The following C10orf90 variants were observed in gnomAD, a reference collection of about 807,000 sequenced individuals.
The protein encoded by C10orf90 is (E2-independent) E3 ubiquitin-conjugating enzyme FATS.
In C10orf90, 56 loss-of-function variants were observed where a neutral mutation model predicts 62.5. The ratio of observed to expected loss-of-function variants is 0.90; its 90% CI spans 0.72 to 1.12. The LOEUF (loss-of-function observed/expected upper bound fraction) is 1.12, where lower values mean the gene tolerates loss of function less well. Among genes scored for constraint, C10orf90 ranks in the 50% most tolerant of loss-of-function variants. The pLI is 0.00. For missense variants in C10orf90, 970 were observed against 880.4 expected (o/e 1.10, Z -1.29); for synonymous variants, 386 against 340.4 (o/e 1.13, Z -1.47).
At chr10:126,538,404 A>G (rs755360387) in intron 2 of C10orf90, among the ~76,000 whole-genome samples, 24 of 152,208 alleles carry the variant, frequency 1.6e-4, no homozygotes, top group Non-Finnish European at 2.9e-4. Context: ...GAACCACAGG[A>G]AACTAGGAGA....
At chr10:126,473,237 G>A (rs1411418205) in intron 4 of C10orf90, among the ~76,000 whole-genome samples, 1 of 152,146 alleles carries the variant, frequency 6.6e-6, no homozygotes, top group African/African-American at 2.4e-5. Flanking sequence ...CTCACAGAAT[G>A]CTACTCTGTT....
intron 1 of C10orf90, among the ~76,000 whole-genome samples, chr10:126,646,913 C>T (rs753707568): frequency 2.6e-5 from 4 of 152,078 alleles, no homozygotes; most frequent in South Asian, 2.1e-4. Flanking sequence ...TTGATTTTGC[C>T]GTGGATTTGG....
intron 4 of C10orf90, among the ~76,000 whole-genome samples, chr10:126,471,080 G>T (rs928766165): frequency 2.0e-5 from 3 of 152,176 alleles, no homozygotes; most frequent in Non-Finnish European, 4.4e-5. Context: ...AGGAGGAGGC[G>T]GATAGCAAAT....
chr10:126,527,541 C>T (rs1863983264), intron 2 of C10orf90, among the ~76,000 whole-genome samples: 2 of 152,356 alleles, frequency 1.3e-5, no homozygotes, highest in South Asian at 4.1e-4. Flanking sequence ...CCTTCAATGG[C>T]AGAGCATTTC....
chr10:126,663,316 T>C (rs1846554933), intron 1 of C10orf90, among the ~76,000 whole-genome samples: 1 of 152,174 alleles, frequency 6.6e-6, no homozygotes, highest in Non-Finnish European at 1.5e-5. Flanking sequence ...GGGTTCTAGC[T>C]GTTGTTGTCA....
At chr10:126,445,985 T>G (rs1858752245) in intron 7 of C10orf90, among the ~76,000 whole-genome samples, 1 of 151,162 alleles carries the variant, frequency 6.6e-6, no homozygotes, top group African/African-American at 2.4e-5. Context: ...AATTAAACAA[T>G]GGGCTTTGGG....
At chr10:126,530,325 TA>T (rs201484503) in intron 2 of C10orf90, among the ~76,000 whole-genome samples, 37 of 148,726 alleles carry the variant, frequency 2.5e-4, no homozygotes, top group South Asian at 1.1e-3. Context: ...AGGCAGTTCT[TA>T]AAAAAAAACA....
rs1456962419 is a variant in C10orf90, at chr10:126,467,742, G to T, written c.1535-2756C>A. On this transcript the variant is annotated intron_variant, in intron 4 of 9. Transcript: ENST00000488181. ...ACAAACTTGATTATCCCAGAATTAA[G>T]CTATGCAGCAGGAAGTGAAAAAAAC... Among the ~76,000 whole-genome samples, 8 of 152,186 alleles carry T rather than the reference G, an allele frequency of 5.3e-5. No homozygotes were observed. In the East Asian group the frequency reaches 1.5e-3, roughly 29 times the overall value.
chr10:126,644,133 C>T (rs565898663), intron 2 of C10orf90, among the ~76,000 whole-genome samples: 117 of 152,328 alleles, frequency 7.7e-4, no homozygotes, highest in African/African-American at 2.7e-3. Context: ...GGAATGCCCC[C>T]GACCCTTGAT....
At chr10:126,581,739 C>T (rs193057443) in intron 2 of C10orf90, among the ~76,000 whole-genome samples, 2 of 152,158 alleles carry the variant, frequency 1.3e-5, no homozygotes, top group Admixed American at 6.5e-5. Context: ...AAATTCCTCA[C>T]GTTGTGATTC....
At chr10:126,517,487 T>C (rs528212873) in intron 2 of C10orf90, among the ~76,000 whole-genome samples, 11 of 152,316 alleles carry the variant, frequency 7.2e-5, no homozygotes, top group Non-Finnish European at 1.6e-4. Flanking sequence ...GTCAAGACTG[T>C]CTGAGTCCTG....
In C10orf90 at chr10:126,609,803, G is replaced by A. The variant is rs114760698; in HGVS notation, c.313+36762C>T. ...CCCACGTGGCTCTGCATGGGCAGGG[G>A]GACTGTGGGTTTGTTCTGAGAGAGC... On this transcript the variant is annotated intron_variant, in intron 2 of 9. Coordinates refer to ENST00000488181, the MANE Select transcript of C10orf90 (RefSeq NM_001350921.2). Among the ~76,000 whole-genome samples the A allele has an allele frequency of 2.4e-3, 371 of 152,344 alleles. 1 individual carries two copies. The highest frequency in any genetic ancestry group is 8.5e-3 in the African/African-American group (353 of 41,578).
intron 2 of C10orf90, 28 bp downstream of exon 2, chr10:126,646,537 C>G (rs561292347): frequency 8.0e-6 from 3 of 377,206 alleles, no homozygotes; most frequent in African/African-American, 4.4e-5. Context: ...GAAAGGGAAC[C>G]CTGCCTGGGC....
At chr10:126,426,924 A>C (rs2133970912) in intron 8 of C10orf90, among the ~76,000 whole-genome samples, 1 of 152,376 alleles carries the variant, frequency 6.6e-6, no homozygotes, top group Non-Finnish European at 1.5e-5. Flanking sequence ...GGCTTGAATT[A>C]CTTGACATGA....
rs1168803860 is a variant in C10orf90 at position 126,442,497 on chromosome 10, A to ATATATATATATATATATATG, written c.2189-12648_2189-12647insCATATATATATATATATATA. On this transcript the variant is annotated intron_variant, in intron 7 of 9. Coordinates refer to ENST00000488181, the MANE Select transcript of C10orf90 (RefSeq NM_001350921.2). ...ATATTTCATATATATATATATATAT[A>ATATATATATATATATATATG]TATATATATATCTGTTAAGTCCATT... Among the ~76,000 whole-genome samples, 116 of 110,414 alleles carry ATATATATATATATATATATG rather than the reference A, an allele frequency of 1.1e-3. 10 individuals are homozygous for ATATATATATATATATATATG. Among genetic ancestry groups the ATATATATATATATATATATG allele is most frequent in the African/African-American group, 4.1e-3 (111 of 27,396 alleles). The allele number at this position is 110,414 out of a possible 152,430, so 72.4% of individuals were successfully genotyped here. A position where few individuals can be genotyped will look rare whatever the true frequency, so the allele number is the denominator to read the frequency against.
At chr10:126,634,176 A>C (rs1490943084) in intron 2 of C10orf90, among the ~76,000 whole-genome samples, 2 of 152,150 alleles carry the variant, frequency 1.3e-5, no homozygotes, top group African/African-American at 4.8e-5. Flanking sequence ...AAATATCTGC[A>C]CTCCCATGTT....
chr10:126,566,920 G>A (rs148115388), intron 2 of C10orf90, among the ~76,000 whole-genome samples: 235 of 152,160 alleles, frequency 1.5e-3, no homozygotes, highest in African/African-American at 5.4e-3. Context: ...TACTGAGACC[G>A]GAAGCCCAGG....
At chr10:126,502,729 A>G in intron 4 of C10orf90, 1 of 488,596 alleles carries the variant, frequency 2.0e-6, no homozygotes, top group Non-Finnish European at 4.1e-6. Flanking sequence ...AATCATCATC[A>G]ATAAGGAAGA....
At chr10:126,576,990 G>A (rs1844640424) in intron 2 of C10orf90, among the ~76,000 whole-genome samples, 1 of 151,520 alleles carries the variant, frequency 6.6e-6, no homozygotes, top group African/African-American at 2.4e-5. Context: ...GGATACTAGA[G>A]GCTGAGAAGG....
Sources: gnomAD v4.1 joint callset for allele counts (sites outside exome capture counted in the v4.1 genomes callset) on GRCh38, gnomAD v4.1.1 for gene constraint, MANE v1.5 for transcripts, NCBI Gene and HGNC (gene_info 2026-07-23, HGNC 2026-07-21) for gene names.